USH2A: variants seen among roughly 807,000 people sequenced by gnomAD.
USH2A encodes the protein usherin.
USH2A carries 443 observed loss-of-function variants against 538.9 expected under a neutral mutation model. The ratio of observed to expected loss-of-function variants is 0.82; its 90% CI spans 0.76 to 0.89. USH2A has a LOEUF of 0.89. USH2A is among the 40% of genes least tolerant of loss of function. The pLI, the probability that USH2A is intolerant of heterozygous loss-of-function variation, is 0.00. For missense variants in USH2A, 6,633 were observed against 6,324.8 expected, an observed-to-expected ratio of 1.05 and a Z score of -1.65; for synonymous variants, 2,413 against 2,273.5, an observed-to-expected ratio of 1.06 and a Z score of -1.75.
At chr1:216,077,901 G>T (rs2031805817) in intron 27 of USH2A, among the ~76,000 whole-genome samples, 188 bp downstream of exon 27, 1 of 151,920 alleles carries the variant, frequency 6.6e-6, no homozygotes, top group African/African-American at 2.4e-5. Context: ...ATTGTTAAGG[G>T]TAACACACAA....
At chr1:216,240,087 G>A (rs1259458033) in intron 13 of USH2A, among the ~76,000 whole-genome samples, 2 of 150,152 alleles carry the variant, frequency 1.3e-5, no homozygotes, top group Non-Finnish European at 3.0e-5. Flanking sequence ...AAAAAGCTAA[G>A]CTCTTGCAGT....
chr1:216,086,117 T>G (rs1461230481), intron 24 of USH2A, among the ~76,000 whole-genome samples: 1 of 152,126 alleles, frequency 6.6e-6, no homozygotes, highest in African/African-American at 2.4e-5. Context: ...ATTCCATTCA[T>G]GTTCATTTTA....
chr1:215,640,850 A>C lies in USH2A; in HGVS notation c.14792-116T>G. The C allele has an allele frequency of 5.6e-6, 6 of 1,076,084 alleles. No individual in the cohort carries two copies. The Admixed American group carries it at 8.1e-5, about 15-fold the overall frequency. 66.7% of individuals were successfully genotyped at this position (1,076,084 alleles called of 1,614,324 possible). On this transcript the variant is annotated intron_variant, in intron 67 of 71. Coordinates refer to ENST00000307340, the MANE Select transcript of USH2A (RefSeq NM_206933.4). ...CAAACCGAACCAATCCAAACAAAAA[A>C]AAAAAAAAAAAAGAAAACCAACATT...
At chr1:216,139,705 G>A (rs926885956) in intron 21 of USH2A, among the ~76,000 whole-genome samples, 8 of 152,146 alleles carry the variant, frequency 5.3e-5, no homozygotes, top group Admixed American at 3.9e-4. Context: ...TGATCCTGCT[G>A]TTCAGTACTT....
intron 11 of USH2A, among the ~76,000 whole-genome samples, chr1:216,268,644 G>C (rs1259277383): frequency 6.6e-6 from 1 of 152,084 alleles, no homozygotes; most frequent in Non-Finnish European, 1.5e-5. Context: ...GATCCCGTAG[G>C]CTTGGGACAT....
At chr1:216,048,740 A>T in intron 30 of USH2A, 93 bp from the exon 31 acceptor site, 1 of 1,062,738 alleles carries the variant, frequency 9.4e-7, no homozygotes, top group South Asian at 1.3e-5. Context: ...TCTATAAGAG[A>T]GAGAGACAAA....
chr1:216,073,430 T>G (rs2031633724), intron 27 of USH2A, 130 bp from the exon 28 acceptor site: 3 of 986,120 alleles, frequency 3.0e-6, no homozygotes, highest in Non-Finnish European at 4.6e-6. Context: ...CTTTCGAGTC[T>G]TCCTTGGAAA....
intron 5 of USH2A, among the ~76,000 whole-genome samples, chr1:216,326,857 T>G (rs2102657815): frequency 6.6e-6 from 1 of 152,292 alleles, no homozygotes; most frequent in Admixed American, 6.5e-5. Flanking sequence ...TTTTGATTTT[T>G]AATAGAAGTA....
At chr1:216,258,805 G>A (rs1048230137) in intron 11 of USH2A, among the ~76,000 whole-genome samples, 1 of 151,980 alleles carries the variant, frequency 6.6e-6, no homozygotes, top group Non-Finnish European at 1.5e-5. Flanking sequence ...CTATCACAAT[G>A]TTCAGTCAAA....
intron 13 of USH2A, among the ~76,000 whole-genome samples, chr1:216,234,095 A>G (rs1319328701): frequency 6.6e-6 from 1 of 152,218 alleles, no homozygotes; most frequent in African/African-American, 2.4e-5. Context: ...GAGCATGAGC[A>G]AAAAGTGAAT....
chr1:216,325,206 G>C, intron 6 of USH2A, 99 bp downstream of exon 6: 1 of 1,309,134 alleles, frequency 7.6e-7, no homozygotes, highest in Non-Finnish European at 1.1e-6. Flanking sequence ...CTCCAGAACT[G>C]TTAGGGAATA....
chr1:215,958,217 G>A (rs1391043240), intron 37 of USH2A, among the ~76,000 whole-genome samples: 2 of 152,048 alleles, frequency 1.3e-5, no homozygotes, highest in African/African-American at 2.4e-5. Flanking sequence ...TGTGTGAAAA[G>A]GACACTGGAT....
intron 21 of USH2A, among the ~76,000 whole-genome samples, chr1:216,139,523 T>C (rs1306506408): frequency 1.3e-5 from 2 of 152,198 alleles, no homozygotes; most frequent in African/African-American, 4.8e-5. Context: ...CTCAATATGC[T>C]TGATGATAAC....
chr1:216,246,346 T>C (rs1330256905), intron 13 of USH2A, among the ~76,000 whole-genome samples: 1 of 152,204 alleles, frequency 6.6e-6, no homozygotes, highest in Admixed American at 6.5e-5. Flanking sequence ...GTCTCAATTA[T>C]GAAATAAATC....
chr1:215,984,549 C>T (rs925189966), intron 35 of USH2A, among the ~76,000 whole-genome samples: 2 of 152,122 alleles, frequency 1.3e-5, no homozygotes, highest in Non-Finnish European at 2.9e-5. Context: ...AGCATATCCA[C>T]TGGGATATAT....
intron 21 of USH2A, among the ~76,000 whole-genome samples, chr1:216,138,497 T>C (rs1435892748): frequency 6.6e-6 from 1 of 152,182 alleles, no homozygotes; most frequent in East Asian, 1.9e-4. Context: ...TGCACTTCCC[T>C]GAGGCCACAG....
intron 19 of USH2A, 86 bp downstream of exon 19, chr1:216,196,467 C>T: frequency 6.7e-7 from 1 of 1,487,948 alleles, no homozygotes; most frequent in Non-Finnish European, 9.4e-7. Context: ...AGGGAGAATT[C>T]TGTCACAGAA....
chr1:216,285,317 G>A (rs1571660296), intron 11 of USH2A, among the ~76,000 whole-genome samples: 2 of 152,320 alleles, frequency 1.3e-5, no homozygotes, highest in African/African-American at 4.8e-5. Context: ...TCAACATACA[G>A]CTCAGACTAT....
intron 62 of USH2A, among the ~76,000 whole-genome samples, chr1:215,676,955 A>C (rs889404790): frequency 6.6e-6 from 1 of 152,182 alleles, no homozygotes; most frequent in African/African-American, 2.4e-5. Flanking sequence ...GCGATTACCA[A>C]TTTGTAATCC....
Sources: gnomAD v4.1 joint callset for allele counts (sites outside exome capture counted in the v4.1 genomes callset) on GRCh38, gnomAD v4.1.1 for gene constraint, MANE v1.5 for transcripts, NCBI Gene and HGNC (gene_info 2026-07-23, HGNC 2026-07-21) for gene names.